CACNA1D: variants seen among roughly 807,000 people sequenced by gnomAD.
The protein encoded by CACNA1D is voltage-dependent L-type calcium channel subunit alpha-1D.
CACNA1D carries 55 observed loss-of-function variants against 257.1 expected under a neutral mutation model. That is an observed-to-expected ratio of 0.21 (90% confidence interval 0.17 to 0.27). The LOEUF is 0.27. Ranked by LOEUF, CACNA1D falls within the 10% of genes least tolerant of loss-of-function variation. CACNA1D has a pLI of 1.00. For missense variants in CACNA1D, 1,876 were observed against 2,784.0 expected (o/e 0.67, Z 7.34); for synonymous variants, 980 against 1,014.9 (o/e 0.97, Z 0.65).
intron 21 of CACNA1D, chr3:53,740,565 G>T: frequency 9.7e-5 from 44 of 453,982 alleles, no homozygotes; most frequent in South Asian, 3.4e-4. Context: ...GATTTTTTAT[G>T]GGTTTTTTTT....
chr3:53,576,069 C>T (rs754244962), intron 3 of CACNA1D, among the ~76,000 whole-genome samples: 5 of 152,132 alleles, frequency 3.3e-5, no homozygotes, highest in Admixed American at 6.5e-5. Context: ...AGCTACAAGA[C>T]GCTGATGGTG....
chr3:53,501,562 G>A, intron 2 of CACNA1D, 53 bp from the exon 3 acceptor site: 1 of 928,076 alleles, frequency 1.1e-6, no homozygotes, highest in Non-Finnish European at 1.8e-6. Context: ...AGTGTGATGA[G>A]GGACATGGTT....
At chr3:53,611,249 G>C (rs1357639809) in intron 3 of CACNA1D, among the ~76,000 whole-genome samples, 2 of 152,172 alleles carry the variant, frequency 1.3e-5, no homozygotes, top group African/African-American at 2.4e-5. Flanking sequence ...GCTGGGGATG[G>C]TGGCATGTGC....
At chr3:53,718,571 C>A in intron 10 of CACNA1D, 183 bp downstream of exon 10, 4 of 663,574 alleles carry the variant, frequency 6.0e-6, no homozygotes, top group Non-Finnish European at 1.1e-5. Context: ...CTGCACACCT[C>A]CCCACCCCCC....
chr3:53,719,515 T>G (rs939183717), intron 10 of CACNA1D, among the ~76,000 whole-genome samples: 9 of 152,200 alleles, frequency 5.9e-5, no homozygotes, highest in Non-Finnish European at 1.2e-4. Flanking sequence ...TGCCAGGGCC[T>G]GCAGGGAATC....
At chr3:53,648,332 A>G (rs2094044876) in intron 3 of CACNA1D, among the ~76,000 whole-genome samples, 1 of 152,214 alleles carries the variant, frequency 6.6e-6, no homozygotes, top group Non-Finnish European at 1.5e-5. Context: ...TTTGGTGGTC[A>G]GGGTCTGATG....
chr3:53,686,286 G>A (rs187031014), intron 8 of CACNA1D, among the ~76,000 whole-genome samples: 87 of 152,098 alleles, frequency 5.7e-4, no homozygotes, highest in Non-Finnish European at 1.0e-3. Flanking sequence ...TATGTCAGCC[G>A]ATTTAGAAAA....
chr3:53,580,133 C>T (rs1427671503), intron 3 of CACNA1D, among the ~76,000 whole-genome samples: 1 of 152,172 alleles, frequency 6.6e-6, no homozygotes, highest in African/African-American at 2.4e-5. Context: ...GAATGGGTAA[C>T]TTGGTACCAT....
chr3:53,565,590 C>G (rs1367906299), intron 3 of CACNA1D, among the ~76,000 whole-genome samples: 1 of 152,124 alleles, frequency 6.6e-6, no homozygotes, highest in African/African-American at 2.4e-5. Flanking sequence ...CTAGTGTCTT[C>G]TGTTTAAGTT....
chr3:53,613,367 G>A (rs574802766), intron 3 of CACNA1D, among the ~76,000 whole-genome samples: 36 of 152,082 alleles, frequency 2.4e-4, no homozygotes, highest in Admixed American at 2.4e-3. Context: ...TGTACTTCCT[G>A]CTTCTCAGTA....
At chr3:53,786,462 TG>T (rs2109106045) in intron 39 of CACNA1D, 1 of 299,276 alleles carries the variant, frequency 3.3e-6, no homozygotes, top group East Asian at 8.3e-5. Context: ...AGGGGTGAAA[TG>T]TGGCCCGTGA....
At chr3:53,590,285 G>T (rs988786639) in intron 3 of CACNA1D, among the ~76,000 whole-genome samples, 1 of 152,178 alleles carries the variant, frequency 6.6e-6, no homozygotes, top group Admixed American at 6.5e-5. Context: ...CCCTCACTTC[G>T]TCTATTACTT....
intron 3 of CACNA1D, among the ~76,000 whole-genome samples, chr3:53,505,115 G>GTTTTTTT (rs35938386): frequency 1.1e-4 from 11 of 97,612 alleles, no homozygotes; most frequent in Admixed American, 1.3e-4. Context: ...TTGTTTATTT[G>GTTTTTTT]TTTTTTTTTT....
intron 3 of CACNA1D, among the ~76,000 whole-genome samples, chr3:53,570,362 C>T (rs1007021702): frequency 6.6e-6 from 1 of 152,200 alleles, no homozygotes; most frequent in Non-Finnish European, 1.5e-5. Flanking sequence ...CAAAGTTATA[C>T]AGTAAACACT....
intron 3 of CACNA1D, among the ~76,000 whole-genome samples, chr3:53,587,980 A>G (rs1432783516): frequency 6.6e-6 from 1 of 151,902 alleles, no homozygotes; most frequent in Non-Finnish European, 1.5e-5. Context: ...GCCCAAATTT[A>G]CTCAATTAGA....
intron 3 of CACNA1D, among the ~76,000 whole-genome samples, chr3:53,583,968 G>A (rs2093173123): frequency 6.6e-6 from 1 of 152,210 alleles, no homozygotes; most frequent in Non-Finnish European, 1.5e-5. Flanking sequence ...CTGTCTTGGA[G>A]AGACAGCAGC....
At chr3:53,559,595 T>G (rs2092702567) in intron 3 of CACNA1D, among the ~76,000 whole-genome samples, 1 of 152,200 alleles carries the variant, frequency 6.6e-6, no homozygotes, top group Non-Finnish European at 1.5e-5. Context: ...CAATCTATTG[T>G]TCAGTCTGGG....
chr3:53,519,442 CTG>C (rs1166576314), intron 3 of CACNA1D, among the ~76,000 whole-genome samples: 2 of 152,150 alleles, frequency 1.3e-5, no homozygotes, highest in African/African-American at 4.8e-5. Context: ...ACGACAAAGA[CTG>C]TTGTAGAAAG....
intron 3 of CACNA1D, among the ~76,000 whole-genome samples, chr3:53,525,957 C>A (rs1003743819): frequency 5.3e-5 from 8 of 152,206 alleles, no homozygotes; most frequent in African/African-American, 1.9e-4. Context: ...CCTGGCTCCA[C>A]TTCCTGTATG....
Sources: allele counts gnomAD v4.1 joint callset (sites outside exome capture counted in the v4.1 genomes callset), GRCh38; gene constraint gnomAD v4.1.1; transcripts MANE v1.5; gene names NCBI Gene and HGNC (gene_info 2026-07-23, HGNC 2026-07-21).